The following ESCO1 variants were observed in gnomAD, a reference collection of about 807,000 sequenced individuals.
The protein encoded by ESCO1 is establishment of sister chromatid cohesion N-acetyltransferase 1.
A neutral mutation model predicts 83.5 loss-of-function variants in ESCO1; 33 were observed. The ratio of observed to expected loss-of-function variants is 0.40; its 90% confidence interval spans 0.30 to 0.53. ESCO1 has a LOEUF of 0.53. Among genes scored for constraint, ESCO1 ranks in the 20% least tolerant of loss-of-function variants. The pLI is 0.63. For missense variants in ESCO1, 855 were observed against 968.0 expected, an observed-to-expected ratio of 0.88 and a Z score of 1.55; for synonymous variants, 332 against 324.3, an observed-to-expected ratio of 1.02 and a Z score of -0.25.
In ESCO1 at chr18:21,560,977, T is replaced by C. The variant is rs1420322150; in HGVS notation, c.1835A>G (p.Lys612Arg). The change falls in exon 8 of 12, where the codon AAA (lysine) becomes AGA (arginine). Residue 612 changes from lysine (K) to arginine (R), a missense_variant. Physicochemically the swap from Lys to Arg is conservative, Grantham distance 26. This residue lies in a region of ESCO1 where 726 missense variants were observed against 699.5 expected (regional missense o/e 1.04). Transcript: ENST00000269214. The stretch of plus-strand genomic sequence containing the variant: ...ATTACAAGAAACTGCTCCAAATCTT[T>C]TTTGTCCTGCATCCTATTTACAAAA... ...EKQLIIDAGQ[K>R]RFGAVSCNVC... 6.3e-7 allele frequency: 1 copy of C among 1,589,514 alleles called. No homozygotes were observed. Among genetic ancestry groups the C allele is most frequent in the Non-Finnish European group, 8.5e-7 (1 of 1,171,682 alleles).
At chr18:21,544,231 G>A (rs2037942256) in intron 8 of ESCO1, among the ~76,000 whole-genome samples, 2 of 151,734 alleles carry the variant, frequency 1.3e-5, no homozygotes, top group Admixed American at 1.3e-4. Context: ...CCGAGATCGC[G>A]CCACTGCACT....
chr18:21,552,310 A>G (rs1193589030), intron 8 of ESCO1, among the ~76,000 whole-genome samples: 1 of 152,142 alleles, frequency 6.6e-6, no homozygotes, highest in East Asian at 1.9e-4. Context: ...TATAGTTTCC[A>G]TAATCCCCAC....
At chr18:21,568,237 T>C in intron 4 of ESCO1, 143 bp from the exon 5 acceptor site, 1 of 617,876 alleles carries the variant, frequency 1.6e-6, no homozygotes, top group Non-Finnish European at 2.8e-6. Context: ...CCCATGATCT[T>C]GCTACAAGCT....
chr18:21,566,261 T>A (rs2038258557), intron 5 of ESCO1, 55 bp from the exon 6 acceptor site: 3 of 1,489,600 alleles, frequency 2.0e-6, no homozygotes, highest in Non-Finnish European at 2.8e-6. Flanking sequence ...TAGTTTTCCA[T>A]CTAATGGATA....
chr18:21,592,459 G>A (rs1411688314), intron 1 of ESCO1, among the ~76,000 whole-genome samples: 29 of 135,660 alleles, frequency 2.1e-4, no homozygotes, highest in African/African-American at 6.4e-4. Flanking sequence ...CGGATGGGGC[G>A]GCTGGCCGGG....
At chr18:21,531,893 CAAAAAAAAAAAA>C (rs10646843) in intron 11 of ESCO1, among the ~76,000 whole-genome samples, 1 of 82,070 alleles carries the variant, frequency 1.2e-5, no homozygotes, top group African/African-American at 4.9e-5. Context: ...GACTCCATCT[CAAAAAAAAAAAA>C]AAAAAAAAAA....
chr18:21,592,193 C>T (rs1337011580), intron 1 of ESCO1, among the ~76,000 whole-genome samples: 12 of 150,014 alleles, frequency 8.0e-5, no homozygotes, highest in African/African-American at 2.9e-4. Context: ...GGGCACACCT[C>T]CCAGACGGGG....
intron 1 of ESCO1, among the ~76,000 whole-genome samples, 157 bp downstream of exon 1, chr18:21,600,466 C>A (rs1254215945): frequency 6.6e-6 from 1 of 152,202 alleles, no homozygotes; most frequent in Non-Finnish European, 1.5e-5. Context: ...CTCCCAGGGG[C>A]GCGAAGAGCT....
At chr18:21,553,109 G>A (rs566803314) in intron 8 of ESCO1, among the ~76,000 whole-genome samples, 17 of 152,206 alleles carry the variant, frequency 1.1e-4, no homozygotes, top group African/African-American at 3.9e-4. Context: ...GGGCAATATA[G>A]GGAAACCTCA....
At chr18:21,550,378 A>G (rs956920898) in intron 8 of ESCO1, among the ~76,000 whole-genome samples, 4 of 152,230 alleles carry the variant, frequency 2.6e-5, no homozygotes, top group African/African-American at 9.6e-5. Context: ...CGACTATATG[A>G]ATATTTCTCA....
rs575657299 is a variant in ESCO1, at chr18:21,554,388, G to A, written c.1953+6471C>T. Among the ~76,000 whole-genome samples, 23 of 152,302 alleles carry A rather than the reference G, an allele frequency of 1.5e-4. No individual in the cohort carries two copies. The East Asian group carries it at 4.1e-3, about 27-fold the overall frequency. On this transcript the variant is annotated intron_variant, in intron 8 of 11. Coordinates refer to ENST00000269214, the MANE Select transcript of ESCO1 (RefSeq NM_052911.3). ...AACTTTGAAGCAACCAAGACATCCT[G>A]CAGTAGGTGAATGGATAAACTGTGA...
chr18:21,584,175 G>A (rs1362958669), intron 2 of ESCO1, 135 bp downstream of exon 2: 1 of 152,086 alleles, frequency 6.6e-6, no homozygotes, highest in Admixed American at 6.6e-5. Flanking sequence ...CCACTGAAAT[G>A]TTTTATCATG....
rs781681581 is a variant in ESCO1 at position 21,574,654 on chromosome 18, T to C, written c.190A>G (p.Thr64Ala). 6.2e-7 allele frequency: 1 copy of C among 1,613,988 alleles called. No individual in the cohort carries two copies. The highest frequency in any genetic ancestry group is 1.1e-5 in the South Asian group (1 of 91,072). Residue 64 changes from threonine to alanine, a missense_variant, in exon 4 of 12, where the codon ACA becomes GCA. Around this residue, in one of 2 missense-constraint regions of ESCO1, gnomAD observed 726 missense variants for 699.5 expected, o/e 1.04. Transcript: ENST00000269214. ...ESKINQPELE[T>A]RMSTRSSKAA... ...TTTGATGACCTTGTACTCATGCGTG[T>C]TTCCAATTCTGGCTGATTTATTTTA...
At chr18:21,549,028 C>T (rs2038011587) in intron 8 of ESCO1, among the ~76,000 whole-genome samples, 1 of 151,942 alleles carries the variant, frequency 6.6e-6, no homozygotes. Flanking sequence ...GTGTCTGGGT[C>T]TTTTAACCAT....
chr18:21,547,141 A>G (rs182431118), intron 8 of ESCO1, among the ~76,000 whole-genome samples: 140 of 152,306 alleles, frequency 9.2e-4, no homozygotes, highest in African/African-American at 2.9e-3. Context: ...TATGCTCTAT[A>G]TAATACCCTG....
chr18:21,532,016 T>C (rs1385665715), intron 11 of ESCO1, among the ~76,000 whole-genome samples: 2 of 152,156 alleles, frequency 1.3e-5, no homozygotes, highest in Non-Finnish European at 2.9e-5. Flanking sequence ...ACAATTTTTC[T>C]GAGTGTCCCT....
chr18:21,585,250 G>A (rs530722638), intron 1 of ESCO1, among the ~76,000 whole-genome samples: 2 of 151,798 alleles, frequency 1.3e-5, no homozygotes, highest in African/African-American at 4.8e-5. Context: ...CCACCTCCAT[G>A]AGAGAATTAT....
intron 1 of ESCO1, among the ~76,000 whole-genome samples, chr18:21,600,261 T>C (rs1714983442): frequency 6.6e-6 from 1 of 152,190 alleles, no homozygotes; most frequent in Non-Finnish European, 1.5e-5. Context: ...GTGCTAGCAA[T>C]GGCTGCGCGC....
chr18:21,584,745 A>G (rs1304222183), intron 1 of ESCO1, among the ~76,000 whole-genome samples: 1 of 152,038 alleles, frequency 6.6e-6, no homozygotes, highest in East Asian at 1.9e-4. Flanking sequence ...CCTGAGCCCA[A>G]GGAGATAGAG....
Sources: gnomAD v4.1 joint callset for allele counts (sites outside exome capture counted in the v4.1 genomes callset) on GRCh38, gnomAD v4.1.1 for gene constraint, gnomAD v4.1.1 regional missense constraint, MANE v1.5 for transcripts, NCBI Gene and HGNC (gene_info 2026-07-23, HGNC 2026-07-21) for gene names.